Variants in PIAS1 observed in about 807,000 individuals in gnomAD.
PIAS1 encodes E3 SUMO-protein ligase PIAS1.
A neutral mutation model predicts 71.3 loss-of-function variants in PIAS1; 6 were observed. That is an observed-to-expected ratio of 0.08 (90% confidence interval 0.05 to 0.17). PIAS1 has a LOEUF of 0.17. Ranked by LOEUF, PIAS1 falls within the 10% of genes least tolerant of loss-of-function variation. The pLI, the probability that PIAS1 is intolerant of heterozygous loss-of-function variation, is 1.00. For synonymous variants in PIAS1, 303 were observed against 292.9 expected (o/e 1.03, Z -0.35); for missense variants, 555 against 793.6 (o/e 0.70, Z 3.61).
chr15:68,161,484 A>G (rs547672577), intron 7 of PIAS1, among the ~76,000 whole-genome samples: 26 of 150,968 alleles, frequency 1.7e-4, no homozygotes, highest in African/African-American at 6.1e-4. Context: ...AAGAGAAGGC[A>G]TAGGTTTTTT....
chr15:68,081,279 G>A (rs1324910759), intron 1 of PIAS1, among the ~76,000 whole-genome samples: 1 of 152,148 alleles, frequency 6.6e-6, no homozygotes, highest in Admixed American at 6.5e-5. Context: ...TACCACCAAA[G>A]CAGGAGATTG....
At chr15:68,147,395 T>C (rs1399892720) in intron 6 of PIAS1, among the ~76,000 whole-genome samples, 4 of 152,336 alleles carry the variant, frequency 2.6e-5, no homozygotes, top group African/African-American at 9.6e-5. Context: ...TAAAACTGTA[T>C]CCGTGTCTGT....
chr15:68,065,685 A>G (rs1415788789), intron 1 of PIAS1, among the ~76,000 whole-genome samples: 2 of 151,276 alleles, frequency 1.3e-5, no homozygotes, highest in Non-Finnish European at 2.9e-5. Flanking sequence ...CTCTGTAAGT[A>G]ATGCTAAACG....
chr15:68,175,655 A>G lies in PIAS1; in HGVS notation c.1188A>G (p.Leu396=), dbSNP rs776024644. The change falls in exon 10 of 14, where the codon CTA becomes CTG. Residue 396 remains leucine (L), a synonymous_variant. Coordinates refer to ENST00000249636, the MANE Select transcript of PIAS1 (RefSeq NM_016166.3). ...CTTATAGCTTGTTTATGGAAATCCT[A>G]AAGTACTGTACAGACTGTGATGAAA... ...LIIDGLFMEI[L]KYCTDCDEIQ... The G allele has an allele frequency of 2.0e-6, 3 of 1,521,312 alleles. No individual in the cohort carries two copies. The highest frequency in any genetic ancestry group is 8.9e-7 in the Non-Finnish European group (1 of 1,123,980). 94.2% of individuals were successfully genotyped at this position (1,521,312 alleles called of 1,614,324 possible). A position where few individuals can be genotyped will look rare whatever the true frequency, so the allele number is the denominator to read the frequency against.
intron 11 of PIAS1, among the ~76,000 whole-genome samples, chr15:68,177,278 CA>C (rs3083984): frequency 2.6e-3 from 235 of 90,872 alleles, no homozygotes; most frequent in Middle Eastern, 0.018. Flanking sequence ...GACTTTGTCT[CA>C]AAAAAAAAAA....
intron 1 of PIAS1, among the ~76,000 whole-genome samples, chr15:68,059,871 C>T (rs1010365046): frequency 4.6e-5 from 7 of 152,214 alleles, no homozygotes; most frequent in Admixed American, 1.3e-4. Flanking sequence ...AGACACTGTG[C>T]CTCTGTGCTC....
chr15:68,129,584 A>G (rs1215273241), intron 2 of PIAS1, among the ~76,000 whole-genome samples: 1 of 152,150 alleles, frequency 6.6e-6, no homozygotes, highest in Non-Finnish European at 1.5e-5. Context: ...ATTTAAAAAG[A>G]TGAAGAACCA....
rs1254179718 is a variant in PIAS1, at chr15:68,190,644, G to A, written c.*2809G>A. Reference sequence around the variant, plus strand: ...TTTGTTTCTGTACAGTACTGTGTGTGTGTGTGTGTATATATATATACATCT... The same window carrying A: ...TTTGTTTCTGTACAGTACTGTGTGTATGTGTGTGTATATATATATACATCT... On this transcript the variant is annotated 3_prime_UTR_variant, in exon 14 of 14. Coordinates refer to ENST00000249636, the MANE Select transcript of PIAS1 (RefSeq NM_016166.3). The surrounding 1 kb of genome is among the most constrained non-coding windows in gnomAD (Gnocchi z 4.7). 6.6e-6 allele frequency: 1 copy of A among 151,984 alleles called. No individual in the cohort carries two copies. The highest frequency in any genetic ancestry group is 1.9e-4 in the East Asian group (1 of 5,172). 9.4% of individuals were successfully genotyped at this position (151,984 alleles called of 1,614,324 possible).
intron 2 of PIAS1, among the ~76,000 whole-genome samples, chr15:68,094,788 T>A (rs1454529586): frequency 6.6e-6 from 1 of 152,158 alleles, no homozygotes; most frequent in Non-Finnish European, 1.5e-5. Flanking sequence ...GAGCACTAAT[T>A]TTTCTGTAGG....
chr15:68,107,855 C>T lies in PIAS1; in HGVS notation c.469+21105C>T, dbSNP rs745458670. On this transcript the variant is annotated intron_variant, in intron 2 of 13. Coordinates refer to ENST00000249636, the MANE Select transcript of PIAS1 (RefSeq NM_016166.3). Reference sequence around the variant, plus strand: ...TTCCTATATATACCACCAGTAAATACGATACATGGTTTGTAGGTAGTGAAA... The same window carrying T: ...TTCCTATATATACCACCAGTAAATATGATACATGGTTTGTAGGTAGTGAAA... 4.6e-5 allele frequency among the ~76,000 whole-genome samples: 7 copies of T among 151,298 alleles called. No individual in the cohort carries two copies. The South Asian group carries it at 8.3e-4, about 18-fold the overall frequency.
Position 68,086,299 on chromosome 15 carries a change from C to T in PIAS1, c.25-7C>T. 1 of 1,546,690 alleles carries T rather than the reference C, an allele frequency of 6.5e-7. No homozygotes were observed. ...ACTAATGTTTTACATTTTGTTTTTT[C>T]TCTAAGCAAATGGTTATGAGCCTTA... On this transcript the variant is annotated splice_polypyrimidine_tract_variant and splice_region_variant and intron_variant, in intron 1 of 13. Transcript: ENST00000249636. The surrounding 1 kb of genome is among the most constrained non-coding windows in gnomAD (Gnocchi z 7.2).
rs2093008522 is a variant in PIAS1, at chr15:68,174,245, G to A, written c.1169+353G>A. On this transcript the variant is annotated intron_variant, in intron 9 of 13. Transcript: ENST00000249636. The surrounding 1 kb of genome is among the most constrained non-coding windows in gnomAD (Gnocchi z 4.0). ...CCATATTGGAACAAGAATGTATGGG[G>A]AAATTTGGGTTAACTCAGGTTCATC... Among the ~76,000 whole-genome samples the A allele has an allele frequency of 6.6e-6, 1 of 152,146 alleles. No homozygotes were observed. The highest frequency in any genetic ancestry group is 6.5e-5 in the Admixed American group (1 of 15,278).
intron 2 of PIAS1, among the ~76,000 whole-genome samples, chr15:68,131,724 T>C (rs1341386820): frequency 1.3e-5 from 2 of 152,180 alleles, no homozygotes; most frequent in African/African-American, 2.4e-5. Context: ...TGTATACTTA[T>C]TTAGGACCAC....
intron 6 of PIAS1, among the ~76,000 whole-genome samples, chr15:68,152,254 A>G (rs1174775209): frequency 1.3e-5 from 2 of 152,064 alleles, no homozygotes; most frequent in Non-Finnish European, 2.9e-5. Flanking sequence ...CGGCTGGGAA[A>G]GTTTTAATGT....
chr15:68,112,586 C>T (rs2092531593), intron 2 of PIAS1, among the ~76,000 whole-genome samples: 1 of 152,018 alleles, frequency 6.6e-6, no homozygotes, highest in Non-Finnish European at 1.5e-5. Flanking sequence ...CCTACTACAG[C>T]CTAATAGGGT....
chr15:68,161,265 A>G (rs2092922330), intron 7 of PIAS1, among the ~76,000 whole-genome samples: 1 of 152,254 alleles, frequency 6.6e-6, no homozygotes, highest in Admixed American at 6.5e-5. Context: ...TTGTATGCCG[A>G]AAACTACAAA....
intron 11 of PIAS1, among the ~76,000 whole-genome samples, chr15:68,176,864 A>G (rs1387306904): frequency 1.3e-5 from 2 of 152,198 alleles, no homozygotes; most frequent in African/African-American, 2.4e-5. Flanking sequence ...CTTCATATCA[A>G]AAGATCATTC....
chr15:68,132,664 C>T (rs898040301), intron 2 of PIAS1, among the ~76,000 whole-genome samples: 2 of 152,202 alleles, frequency 1.3e-5, no homozygotes, highest in Non-Finnish European at 2.9e-5. Context: ...GAAGGTTTAT[C>T]TGCAAATCCT....
chr15:68,126,360 G>T (rs1323575273), intron 2 of PIAS1, among the ~76,000 whole-genome samples: 3 of 152,028 alleles, frequency 2.0e-5, no homozygotes, highest in African/African-American at 7.2e-5. Flanking sequence ...CTTTTCCTTT[G>T]TGCATCGTAT....
Sources: allele counts gnomAD v4.1 joint callset (sites outside exome capture counted in the v4.1 genomes callset), GRCh38; gene constraint gnomAD v4.1.1; non-coding constraint Gnocchi (gnomAD v3.1); transcripts MANE v1.5; gene names NCBI Gene and HGNC (gene_info 2026-07-23, HGNC 2026-07-21).